DNAI3: variants seen among roughly 807,000 people sequenced by gnomAD.
The protein encoded by DNAI3 is dynein axonemal intermediate chain 3.
Under a neutral mutation model 115.5 loss-of-function variants are expected in DNAI3, and 83 were observed. The observed-to-expected ratio is 0.72, with a 90% CI of 0.60 to 0.86. The LOEUF is 0.86. DNAI3 is among the 40% of genes least tolerant of loss of function. The pLI, the probability that DNAI3 is intolerant of heterozygous loss-of-function variation, is 0.00. For missense variants in DNAI3, 1,004 were observed against 1,075.8 expected, an observed-to-expected ratio of 0.93 and a Z score of 0.93; for synonymous variants, 320 against 347.0, an observed-to-expected ratio of 0.92 and a Z score of 0.86.
At chr1:85,093,323 C>A in intron 8 of DNAI3, 135 bp from the exon 9 acceptor site, 1 of 857,208 alleles carries the variant, frequency 1.2e-6, no homozygotes, top group Non-Finnish European at 1.8e-6. Context: ...TGAGGTTAAT[C>A]ATTATCACCA....
rs552415420 is a variant in DNAI3 at position 85,130,108 on chromosome 1, A to C, written c.2528A>C (p.Lys843Thr). 1 of 1,613,032 alleles carries C rather than the reference A, an allele frequency of 6.2e-7. No individual in the cohort carries two copies. The highest frequency in any genetic ancestry group is 8.5e-7 in the Non-Finnish European group (1 of 1,179,682). The part of the protein sequence containing the change: ...KEMELEMAKK[K>T]VKTYQKSKEQ... ...ATGGAACTAGAAATGGCAAAGAAAA[A>C]AGTTGTAAGTTAAATTTCAGAAATG... The change falls in exon 22 of 23, where the codon AAA (lysine) becomes ACA (threonine). Residue 843 changes from lysine (K) to threonine (T), a missense_variant. Transcript: ENST00000294664.
intron 15 of DNAI3, among the ~76,000 whole-genome samples, chr1:85,109,266 G>T (rs570510351): frequency 4.2e-4 from 64 of 152,248 alleles, no homozygotes; most frequent in African/African-American, 1.2e-3. Flanking sequence ...CTAGTTTTAA[G>T]TTTAACTTAA....
At position 85,072,075 on chromosome 1, in the gene DNAI3, T is replaced by C. The variant is rs1041633307; in HGVS notation, c.64+70T>C. ...GTGTATATATTAGCAGCAAAATGAT[T>C]ATGGTTTTACATATCAAATGAAATA... On this transcript the variant is annotated intron_variant, in intron 2 of 22. Coordinates refer to ENST00000294664, the MANE Select transcript of DNAI3 (RefSeq NM_145172.5). 5.5e-5 allele frequency: 78 copies of C among 1,414,210 alleles called. No individual in the cohort carries two copies. The African/African-American group carries it at 9.4e-4, about 17-fold the overall frequency. The allele number at this position is 1,414,210 out of a possible 1,614,324, so 87.6% of individuals were successfully genotyped here.
chr1:85,074,769 A>C (rs1654400344), intron 3 of DNAI3, among the ~76,000 whole-genome samples: 1 of 152,218 alleles, frequency 6.6e-6, no homozygotes, highest in Non-Finnish European at 1.5e-5. Context: ...GCTTCTGTTC[A>C]CATTTTCATT....
intron 17 of DNAI3, among the ~76,000 whole-genome samples, chr1:85,118,249 A>G (rs1447925362): frequency 2.0e-5 from 3 of 152,230 alleles, no homozygotes; most frequent in African/African-American, 7.2e-5. Context: ...TCAAAAGATA[A>G]ATAACAATTG....
At position 85,119,648 on chromosome 1, in the gene DNAI3, A is replaced by G. The variant is rs537874057; in HGVS notation, c.1917+1789A>G. 7.2e-5 allele frequency among the ~76,000 whole-genome samples: 11 copies of G among 152,200 alleles called. No individual in the cohort carries two copies. The South Asian group carries it at 1.2e-3, about 17-fold the overall frequency. The stretch of plus-strand genomic sequence containing the variant: ...CGTCCCCTGCCTATCTCTCTGCCTT[A>G]TCTGCACCAACCTCCCTCTCACTCT... On this transcript the variant is annotated intron_variant, in intron 17 of 22. Transcript: ENST00000294664.
intron 1 of DNAI3, among the ~76,000 whole-genome samples, chr1:85,070,135 C>T (rs952565265): frequency 1.3e-4 from 20 of 152,020 alleles, no homozygotes; most frequent in African/African-American, 4.8e-4. Flanking sequence ...CTGGCGTGCA[C>T]CTGTAGTCCC....
chr1:85,093,239 G>C (rs1362776194), intron 8 of DNAI3, among the ~76,000 whole-genome samples: 1 of 152,226 alleles, frequency 6.6e-6, no homozygotes, highest in Non-Finnish European at 1.5e-5. Flanking sequence ...AACTGAGGCA[G>C]ATCATGAAGT....
rs1408098431 is a variant in DNAI3, at chr1:85,130,061, T to C, written c.2481T>C (p.Ile827=). Reference sequence around the variant, plus strand: ...AATACGTAGAACAGCGCAAAAAAATTCGTGAGCAAGAAAAGAAAGAAATGG... The same window carrying C: ...AATACGTAGAACAGCGCAAAAAAATCCGTGAGCAAGAAAAGAAAGAAATGG... ...HLEYVEQRKK[I]REQEKKEMEL... The change falls in exon 22 of 23, where the codon ATT becomes ATC. Residue 827 remains isoleucine (I), a synonymous_variant. Transcript: ENST00000294664. 1.2e-6 allele frequency: 2 copies of C among 1,613,874 alleles called. No individual in the cohort carries two copies. Among genetic ancestry groups the C allele is most frequent in the South Asian group, 1.1e-5 (1 of 91,042 alleles).
At chr1:85,122,716 A>G (rs1179912190) in intron 18 of DNAI3, among the ~76,000 whole-genome samples, 1 of 152,210 alleles carries the variant, frequency 6.6e-6, no homozygotes, top group Non-Finnish European at 1.5e-5. Flanking sequence ...TGAGTGACTG[A>G]CAGGGGAGCA....
At chr1:85,114,878 C>A (rs550294923) in intron 16 of DNAI3, among the ~76,000 whole-genome samples, 2 of 152,294 alleles carry the variant, frequency 1.3e-5, no homozygotes, top group African/African-American at 2.4e-5. Context: ...GACCACCCAC[C>A]CTTTGTCTGC....
chr1:85,067,792 C>A (rs1654143511), intron 1 of DNAI3, among the ~76,000 whole-genome samples: 2 of 152,110 alleles, frequency 1.3e-5, no homozygotes, highest in South Asian at 2.1e-4. Flanking sequence ...GGCCACAAAC[C>A]AAGAAGTGCT....
intron 11 of DNAI3, among the ~76,000 whole-genome samples, chr1:85,096,511 TTATATATAAAGATTATA>T (rs762547376): frequency 8.1e-5 from 10 of 123,802 alleles, no homozygotes; most frequent in South Asian, 2.8e-4. Flanking sequence ...TATATAAAGA[TTATATATAAAGATTATA>T]TATATATATA....
chr1:85,127,889 T>C (rs1656195315), intron 20 of DNAI3, among the ~76,000 whole-genome samples: 1 of 151,002 alleles, frequency 6.6e-6, no homozygotes, highest in Admixed American at 6.6e-5. Context: ...CTGAGTGAGG[T>C]GGGGAGATCA....
At chr1:85,105,242 C>T (rs1287939934) in intron 14 of DNAI3, among the ~76,000 whole-genome samples, 4 of 152,026 alleles carry the variant, frequency 2.6e-5, no homozygotes, top group Admixed American at 6.6e-5. Flanking sequence ...TAGTAGCAGC[C>T]ATGGGCCAGG....
rs11161527 is a variant in DNAI3, at chr1:85,096,053, A to G, written c.1263+33A>G. On this transcript the variant is annotated intron_variant, in intron 11 of 22. Coordinates refer to ENST00000294664, the MANE Select transcript of DNAI3 (RefSeq NM_145172.5). ...ACAGAATTTTTTTCAGCTATGTATTAATGTAGACAACCTTTGGTAATAAGT... is the reference window on the plus strand; with the variant it reads ...ACAGAATTTTTTTCAGCTATGTATTGATGTAGACAACCTTTGGTAATAAGT... 7.8e-4 allele frequency: 1,231 copies of G among 1,587,542 alleles called. 9 individuals carry two copies. In the African/African-American group the frequency reaches 0.015, roughly 20 times the overall value.
chr1:85,085,262 T>G (rs2100571389), intron 6 of DNAI3, among the ~76,000 whole-genome samples: 1 of 152,284 alleles, frequency 6.6e-6, no homozygotes, highest in Admixed American at 6.5e-5. Flanking sequence ...TAAGTTTCTG[T>G]TGTTTTAGGC....
chr1:85,102,251 A>G (rs1253876459), intron 13 of DNAI3, among the ~76,000 whole-genome samples: 1 of 152,146 alleles, frequency 6.6e-6, no homozygotes, highest in Non-Finnish European at 1.5e-5. Context: ...TACTTAAGGT[A>G]ATGGATAGCC....
chr1:85,112,304 T>G (rs925893779), intron 16 of DNAI3, among the ~76,000 whole-genome samples: 8 of 152,238 alleles, frequency 5.3e-5, no homozygotes, highest in Non-Finnish European at 8.8e-5. Context: ...GGCATTTCAT[T>G]GTATGGATAC....
Sources: gnomAD v4.1 joint callset for allele counts (sites outside exome capture counted in the v4.1 genomes callset) on GRCh38, gnomAD v4.1.1 for gene constraint, MANE v1.5 for transcripts, NCBI Gene and HGNC (gene_info 2026-07-23, HGNC 2026-07-21) for gene names.